The following KIAA0825 variants were observed in gnomAD, a reference collection of about 807,000 sequenced individuals.
The protein encoded by KIAA0825 is KIAA0825.
Under a neutral mutation model 147.6 loss-of-function variants are expected in KIAA0825, and 119 were observed. That is an observed-to-expected ratio of 0.81 (90% CI 0.69 to 0.94). The LOEUF (loss-of-function observed/expected upper bound fraction) is 0.94, where lower values mean the gene tolerates loss of function less well. KIAA0825 is among the 40% of genes least tolerant of loss of function. KIAA0825 has a pLI of 0.00. For missense variants in KIAA0825, 1,381 were observed against 1,472.7 expected, an observed-to-expected ratio of 0.94 and a Z score of 1.02; for synonymous variants, 470 against 518.1, an observed-to-expected ratio of 0.91 and a Z score of 1.26.
At chr5:94,479,376 C>T (rs952859427) in intron 6 of KIAA0825, among the ~76,000 whole-genome samples, 10 of 152,078 alleles carry the variant, frequency 6.6e-5, no homozygotes, top group African/African-American at 1.9e-4. Flanking sequence ...TGGCTTCTTT[C>T]GCTTAGTGAT....
chr5:94,440,929 A>C (rs1757001849), intron 13 of KIAA0825, among the ~76,000 whole-genome samples: 2 of 152,094 alleles, frequency 1.3e-5, no homozygotes, highest in Admixed American at 6.6e-5. Context: ...GAACAACAAC[A>C]AAAAAGGCAG....
Position 94,345,059 on chromosome 5 carries a change from A to C in KIAA0825, c.3710+39309T>G, listed in dbSNP as rs189421329. ...ACAGTTTAAAATGGTTAAATGGTAC[A>C]TTTTATGTATACGTTACCATAAAAA... On this transcript the variant is annotated intron_variant, in intron 20 of 20. Transcript: ENST00000682413. Among the ~76,000 whole-genome samples, 10 of 152,276 alleles carry C rather than the reference A, an allele frequency of 6.6e-5. No individual in the cohort carries two copies. The South Asian group carries it at 1.4e-3, about 22-fold the overall frequency.
intron 20 of KIAA0825, among the ~76,000 whole-genome samples, chr5:94,334,419 T>C (rs1395159361): frequency 1.3e-5 from 2 of 152,230 alleles, no homozygotes; most frequent in Non-Finnish European, 2.9e-5. Flanking sequence ...AATAAACAAA[T>C]TTCCTATTGG....
chr5:94,349,330 A>G (rs1783376756), intron 20 of KIAA0825, among the ~76,000 whole-genome samples: 1 of 152,230 alleles, frequency 6.6e-6, no homozygotes, highest in African/African-American at 2.4e-5. Flanking sequence ...TGAGATAGAC[A>G]GCAACACAAA....
chr5:94,386,092 G>C, intron 19 of KIAA0825, 150 bp downstream of exon 19: 1 of 590,484 alleles, frequency 1.7e-6, no homozygotes, highest in South Asian at 3.3e-5. Context: ...ACTCTTAAAA[G>C]TCAATTTGTA....
At chr5:94,193,630 C>G (rs1770872936) in intron 20 of KIAA0825, among the ~76,000 whole-genome samples, 1 of 152,188 alleles carries the variant, frequency 6.6e-6, no homozygotes, top group South Asian at 2.1e-4. Context: ...AGGCACTCAT[C>G]TAAGAACTTT....
intron 20 of KIAA0825, among the ~76,000 whole-genome samples, chr5:94,163,064 A>G (rs747763226): frequency 3.2e-4 from 49 of 152,288 alleles, no homozygotes; most frequent in Non-Finnish European, 1.0e-4. Flanking sequence ...TTAAAGTCTA[A>G]AATTCAGTGA....
chr5:94,554,715 A>AATATATATAT (rs1561307328), intron 2 of KIAA0825, among the ~76,000 whole-genome samples: 1 of 75,352 alleles, frequency 1.3e-5, no homozygotes, highest in Non-Finnish European at 2.5e-5. Context: ...TGTTCTGTGT[A>AATATATATAT]CTATATATAT....
intron 20 of KIAA0825, among the ~76,000 whole-genome samples, chr5:94,307,903 C>T (rs965111375): frequency 1.1e-4 from 17 of 151,670 alleles, no homozygotes; most frequent in African/African-American, 4.1e-4. Flanking sequence ...TTTTTGGAAA[C>T]ACACTCTCAG....
At chr5:94,563,777 C>A (rs912889003) in intron 2 of KIAA0825, among the ~76,000 whole-genome samples, 6 of 152,192 alleles carry the variant, frequency 3.9e-5, no homozygotes, top group African/African-American at 1.4e-4. Context: ...CTCCACCTCC[C>A]GAGTTCAAGC....
chr5:94,470,237 G>T, intron 9 of KIAA0825, 126 bp from the exon 10 acceptor site: 1 of 570,816 alleles, frequency 1.8e-6, no homozygotes, highest in Non-Finnish European at 2.7e-6. Context: ...TAATGCTGAA[G>T]TCTGCATCCA....
intron 17 of KIAA0825, among the ~76,000 whole-genome samples, chr5:94,393,063 A>G (rs906646295): frequency 9.2e-5 from 14 of 152,032 alleles, no homozygotes; most frequent in African/African-American, 2.4e-5. Context: ...GGAGTATCTC[A>G]GTGTCAGCTC....
chr5:94,262,685 C>T (rs1276702506), intron 20 of KIAA0825, among the ~76,000 whole-genome samples: 1 of 152,024 alleles, frequency 6.6e-6, no homozygotes, highest in Non-Finnish European at 1.5e-5. Context: ...GACAACAGTT[C>T]GTTCGATATG....
At chr5:94,460,579 T>C (rs927771170) in intron 12 of KIAA0825, among the ~76,000 whole-genome samples, 2 of 152,112 alleles carry the variant, frequency 1.3e-5, no homozygotes, top group Non-Finnish European at 2.9e-5. Flanking sequence ...ATTGCTACTT[T>C]TCACCAATTC....
intron 3 of KIAA0825, among the ~76,000 whole-genome samples, chr5:94,532,145 C>T (rs1770919027): frequency 6.6e-6 from 1 of 152,116 alleles, no homozygotes; most frequent in African/African-American, 2.4e-5. Flanking sequence ...AGTATTATTG[C>T]TGGTAGCAAT....
intron 18 of KIAA0825, among the ~76,000 whole-genome samples, chr5:94,388,415 A>G (rs1749465208): frequency 6.6e-6 from 1 of 152,200 alleles, no homozygotes; most frequent in Non-Finnish European, 1.5e-5. Flanking sequence ...AGGGTCACAC[A>G]TGGACTCTTA....
chr5:94,187,807 C>T (rs1465060299), intron 20 of KIAA0825, among the ~76,000 whole-genome samples: 3 of 152,136 alleles, frequency 2.0e-5, no homozygotes. Context: ...AATGATTAAA[C>T]TTCAGAAATG....
chr5:94,448,030 A>G (rs1178900288), intron 13 of KIAA0825, among the ~76,000 whole-genome samples: 8 of 152,024 alleles, frequency 5.3e-5, no homozygotes, highest in Admixed American at 3.3e-4. Context: ...TTAGAAAATG[A>G]TAAGAGGCAT....
chr5:94,379,850 T>G (rs914286054), intron 20 of KIAA0825, among the ~76,000 whole-genome samples: 2 of 128,730 alleles, frequency 1.6e-5, no homozygotes, highest in Admixed American at 7.6e-5. Context: ...TATTCTTTTT[T>G]TTTTTTTTTT....
Sources: gnomAD v4.1 joint callset for allele counts (sites outside exome capture counted in the v4.1 genomes callset) on GRCh38, gnomAD v4.1.1 for gene constraint, MANE v1.5 for transcripts, NCBI Gene and HGNC (gene_info 2026-07-23, HGNC 2026-07-21) for gene names.